CLEC16A: variants seen among roughly 807,000 people sequenced by gnomAD.
CLEC16A encodes protein CLEC16A.
A neutral mutation model predicts 109.5 loss-of-function variants in CLEC16A; 51 were observed. The observed-to-expected ratio is 0.47, with a 90% CI of 0.37 to 0.59. CLEC16A has a LOEUF of 0.59. Ranked by LOEUF, CLEC16A falls within the 20% of genes least tolerant of loss-of-function variation. CLEC16A has a pLI of 0.00. For synonymous variants in CLEC16A, 673 were observed against 564.2 expected (o/e 1.19, Z -2.73); for missense variants, 1,339 against 1,394.0 (o/e 0.96, Z 0.63).
At chr16:11,013,237 A>T (rs1008513477) in intron 11 of CLEC16A, among the ~76,000 whole-genome samples, 1 of 152,226 alleles carries the variant, frequency 6.6e-6, no homozygotes, top group Admixed American at 6.5e-5. Flanking sequence ...AAATGATGTT[A>T]TTCAAAGATC....
intron 19 of CLEC16A, among the ~76,000 whole-genome samples, chr16:11,116,987 A>T (rs1362993712): frequency 2.0e-5 from 3 of 152,236 alleles, no homozygotes; most frequent in African/African-American, 7.2e-5. Flanking sequence ...TACACTATGG[A>T]ATACTGTGTA....
intron 18 of CLEC16A, among the ~76,000 whole-genome samples, chr16:11,055,882 C>T (rs1048287239): frequency 5.9e-5 from 9 of 152,130 alleles, no homozygotes; most frequent in Admixed American, 4.6e-4. Flanking sequence ...AGCCACCATG[C>T]CCAGCCCTCT....
intron 10 of CLEC16A, among the ~76,000 whole-genome samples, chr16:10,993,059 C>T (rs2044123612): frequency 6.6e-6 from 1 of 151,840 alleles, no homozygotes; most frequent in Non-Finnish European, 1.5e-5. Flanking sequence ...CAAGAAATAT[C>T]CTGGGTTGGT....
intron 18 of CLEC16A, among the ~76,000 whole-genome samples, chr16:11,058,898 G>A (rs1038004229): frequency 6.6e-6 from 1 of 152,150 alleles, no homozygotes; most frequent in Admixed American, 6.5e-5. Context: ...GTGATGGGCC[G>A]TTTCCTTTCT....
Position 11,003,115 on chromosome 16 carries a change from A to G in CLEC16A, c.1113A>G (p.Thr371=), listed in dbSNP as rs565835071. The G allele has an allele frequency of 2.7e-5, 43 of 1,613,650 alleles. No individual in the cohort carries two copies. The Admixed American group carries it at 2.7e-4, about 10-fold the overall frequency. Residue 371 remains threonine, a synonymous_variant, in exon 11 of 24, where the codon ACA becomes ACG. Coordinates refer to ENST00000409790, the MANE Select transcript of CLEC16A (RefSeq NM_015226.3). ...SIRCFIKPTE[T]LERSLEMNKH... ...GGTGCTTCATTAAACCCACCGAGAC[A>G]CTCGAGCGGTCCCTTGAGATGAACA...
intron 19 of CLEC16A, among the ~76,000 whole-genome samples, chr16:11,075,422 GTGTGTA>G (rs1266949597): frequency 1.8e-4 from 27 of 146,626 alleles, no homozygotes; most frequent in East Asian, 6.0e-4. Context: ...CTGTGTGTGT[GTGTGTA>G]TGTGTGTGTG....
Position 11,178,250 on chromosome 16 carries a change from G to A in CLEC16A, c.2807-85G>A, listed in dbSNP as rs148576177. On this transcript the variant is annotated intron_variant, in intron 23 of 23. Coordinates refer to ENST00000409790, the MANE Select transcript of CLEC16A (RefSeq NM_015226.3). This position sits in a 1 kb window ranked among gnomAD's most constrained non-coding sequence, Gnocchi z 6.5. The stretch of plus-strand genomic sequence containing the variant: ...ACCTCCCACCTAGCTCACCAGGGCC[G>A]CGGTTCAGGATGGGAGCACAGGGCG... The A allele has an allele frequency of 1.2e-4, 153 of 1,250,714 alleles. 1 individual carries two copies. In the East Asian group the frequency reaches 3.2e-3, roughly 26 times the overall value. The allele number at this position is 1,250,714 out of a possible 1,614,324, so 77.5% of individuals were successfully genotyped here.
At chr16:11,140,717 G>T (rs1228730589) in intron 22 of CLEC16A, among the ~76,000 whole-genome samples, 1 of 152,198 alleles carries the variant, frequency 6.6e-6, no homozygotes, top group African/African-American at 2.4e-5. Flanking sequence ...CAGTGCACCT[G>T]CTGTGCCCAG....
chr16:10,990,997 A>C (rs1490968636), intron 10 of CLEC16A, among the ~76,000 whole-genome samples: 1 of 152,176 alleles, frequency 6.6e-6, no homozygotes, highest in Non-Finnish European at 1.5e-5. Flanking sequence ...ATTATTGGGT[A>C]TCTGCCGTAT....
Position 11,120,641 on chromosome 16 carries a change from G to T in CLEC16A, c.2143G>T (p.Val715Leu). ...TAACAGCGACTTGATTGCATGTACA[G>T]TGATCACCAAGGATGGCGGCATGGT... ...LNNSDLIACT[V>L]ITKDGGMVQR... The change falls in exon 20 of 24, where the codon GTG becomes TTG. Residue 715 changes from valine to leucine, a missense_variant. By Grantham distance (32) the Val-to-Leu change is conservative. Coordinates refer to ENST00000409790, the MANE Select transcript of CLEC16A (RefSeq NM_015226.3). 1 of 1,613,102 alleles carries T rather than the reference G, an allele frequency of 6.2e-7. No individual in the cohort carries two copies. The highest frequency in any genetic ancestry group is 1.1e-5 in the South Asian group (1 of 90,844).
intron 19 of CLEC16A, among the ~76,000 whole-genome samples, chr16:11,083,475 C>G (rs1166915276): frequency 6.6e-6 from 1 of 152,202 alleles, no homozygotes; most frequent in African/African-American, 2.4e-5. Flanking sequence ...GGCAGCTCAT[C>G]ATGTGCCAGG....
intron 22 of CLEC16A, among the ~76,000 whole-genome samples, chr16:11,131,207 CTG>C (rs1194713640): frequency 1.3e-5 from 2 of 152,036 alleles, no homozygotes; most frequent in East Asian, 3.9e-4. Context: ...CCTGAGCACT[CTG>C]TGGCTTTGAG....
At chr16:11,022,368 A>G (rs2046159375) in intron 12 of CLEC16A, among the ~76,000 whole-genome samples, 1 of 129,718 alleles carries the variant, frequency 7.7e-6, no homozygotes, top group Admixed American at 8.0e-5. Flanking sequence ...TTTTGCAAAG[A>G]CAGGATCCTA....
In CLEC16A at chr16:11,042,100, T is replaced by TG. The variant is rs887867020; in HGVS notation, c.1661-148dup. 1.5e-5 allele frequency: 9 copies of TG among 600,026 alleles called. No homozygotes were observed. In the Admixed American group the frequency reaches 2.2e-4, roughly 15 times the overall value. 37.2% of individuals were successfully genotyped at this position (600,026 alleles called of 1,614,324 possible). ...TAACTGATGGGGAATGGTTTGGGCA[T>TG]GGGGGGTTCCCACTGTGTCCCCACT... On this transcript the variant is annotated intron_variant, in intron 14 of 23. Transcript: ENST00000409790.
At chr16:11,157,605 C>T (rs1338188358) in intron 22 of CLEC16A, among the ~76,000 whole-genome samples, 1 of 152,202 alleles carries the variant, frequency 6.6e-6, no homozygotes, top group African/African-American at 2.4e-5. Flanking sequence ...CCCTTGGAGT[C>T]ACTGCTATCT....
chr16:11,047,664 C>T (rs893812603), intron 17 of CLEC16A: 1 of 184,240 alleles, frequency 5.4e-6, no homozygotes, highest in Admixed American at 6.2e-5. Context: ...GATTATATCT[C>T]TTCATCCTCA....
intron 22 of CLEC16A, among the ~76,000 whole-genome samples, chr16:11,139,147 G>T (rs926268323): frequency 6.6e-6 from 1 of 152,134 alleles, no homozygotes; most frequent in African/African-American, 2.4e-5. Context: ...GTCTTGTTCT[G>T]TCCAGAAGGC....
In CLEC16A at chr16:11,024,881, G is replaced by A. The variant is rs1350890061; in HGVS notation, c.1497G>A (p.Leu499=). The A allele has an allele frequency of 6.2e-7, 1 of 1,610,034 alleles. No individual in the cohort carries two copies. Among genetic ancestry groups the A allele is most frequent in the Non-Finnish European group, 8.5e-7 (1 of 1,178,300 alleles). Residue 499 remains leucine (L), a synonymous_variant, in exon 13 of 24, where the codon CTG becomes CTA. Coordinates refer to ENST00000409790, the MANE Select transcript of CLEC16A (RefSeq NM_015226.3). The part of the protein sequence containing the change: ...LDSPDDDYHA[L]FVLCLLYAMS... ...GCCCGGATGATGATTACCATGCCCT[G>A]TTCGTGCTCTGCCTCCTCTATGCCA...
chr16:11,047,399 T>C, intron 17 of CLEC16A, 57 bp downstream of exon 17: 5 of 1,390,654 alleles, frequency 3.6e-6, no homozygotes, highest in Non-Finnish European at 4.9e-6. Flanking sequence ...CCTGCCAAGC[T>C]CCCCCTGCCC....
Sources: allele counts gnomAD v4.1 joint callset (sites outside exome capture counted in the v4.1 genomes callset), GRCh38; gene constraint gnomAD v4.1.1; non-coding constraint Gnocchi (gnomAD v3.1); transcripts MANE v1.5; gene names NCBI Gene and HGNC (gene_info 2026-07-23, HGNC 2026-07-21).